SNPH: variants seen among roughly 807,000 people sequenced by gnomAD.
SNPH encodes syntaphilin.
A neutral mutation model predicts 36.8 loss-of-function variants in SNPH; 10 were observed. The observed-to-expected ratio is 0.27, with a 90% CI of 0.17 to 0.46. SNPH has a LOEUF of 0.46. SNPH is among the 20% of genes least tolerant of loss of function. SNPH has a pLI of 1.00. For synonymous variants in SNPH, 281 were observed against 312.2 expected (o/e 0.90, Z 1.05); for missense variants, 622 against 744.0 (o/e 0.84, Z 1.91).
At chr20:1,286,712 A>G (rs1207909262) in intron 2 of SNPH, among the ~76,000 whole-genome samples, 2 of 152,170 alleles carry the variant, frequency 1.3e-5, no homozygotes, top group Admixed American at 6.5e-5. Context: ...GGAGAGCAAG[A>G]GAGAGTGTGT....
intron 2 of SNPH, among the ~76,000 whole-genome samples, chr20:1,290,065 A>C (rs1421501173): frequency 6.6e-6 from 1 of 152,064 alleles, no homozygotes; most frequent in Non-Finnish European, 1.5e-5. Context: ...TACAAAAATT[A>C]GCCAGGTGTG....
At chr20:1,301,596 G>A (rs541224612) in intron 6 of SNPH, among the ~76,000 whole-genome samples, 1 of 151,586 alleles carries the variant, frequency 6.6e-6, no homozygotes, top group Non-Finnish European at 1.5e-5. Flanking sequence ...ATGATTGTTA[G>A]TTTAGTCACA....
rs2088410276 is a variant in SNPH, at chr20:1,294,936, A to C, written c.-492-15A>C. The C allele has an allele frequency of 6.6e-6, 1 of 152,464 alleles. No individual in the cohort carries two copies. The highest frequency in any genetic ancestry group is 6.6e-5 in the Admixed American group (1 of 15,264). The allele number at this position is 152,464 out of a possible 1,614,324, so 9.4% of individuals were successfully genotyped here. A position where few individuals can be genotyped will look rare whatever the true frequency, so the allele number is the denominator to read the frequency against. ...TCATCTGTAAAAGGGGACTAATCACAGCACTTCCTCATAGGGTTGTTGAGA... is the reference window on the plus strand; with the variant it reads ...TCATCTGTAAAAGGGGACTAATCACCGCACTTCCTCATAGGGTTGTTGAGA... On this transcript the variant is annotated splice_polypyrimidine_tract_variant and intron_variant, in intron 2 of 6. Transcript: ENST00000381867. The surrounding 1 kb of genome is among the most constrained non-coding windows in gnomAD (Gnocchi z 4.4).
Position 1,294,721 on chromosome 20 carries a change from C to G in SNPH, c.-492-230C>G, listed in dbSNP as rs555285684. On this transcript the variant is annotated intron_variant, in intron 2 of 6. Coordinates refer to ENST00000381867, the MANE Select transcript of SNPH (RefSeq NM_001318234.2). This position sits in a 1 kb window ranked among gnomAD's most constrained non-coding sequence, Gnocchi z 4.4. The stretch of plus-strand genomic sequence containing the variant: ...CCTTTGTCCACTCAGGAGGCAGCCC[C>G]GCCGCTGGCTGGGATGACCAGGCTC... 6.6e-6 allele frequency among the ~76,000 whole-genome samples: 1 copy of G among 152,192 alleles called. No homozygotes were observed. Among genetic ancestry groups the G allele is most frequent in the Admixed American group, 6.5e-5 (1 of 15,278 alleles).
At chr20:1,290,866 A>G (rs755268547) in intron 2 of SNPH, among the ~76,000 whole-genome samples, 1 of 152,260 alleles carries the variant, frequency 6.6e-6, no homozygotes, top group African/African-American at 2.4e-5. Flanking sequence ...GTTATTGTCC[A>G]TCTTTTTTAT....
In SNPH at chr20:1,305,355, C is replaced by A. The variant is rs189950046; in HGVS notation, c.918C>A (p.Ser306Arg). 4 of 1,612,002 alleles carry A rather than the reference C, an allele frequency of 2.5e-6. No homozygotes were observed. The highest frequency in any genetic ancestry group is 2.7e-5 in the African/African-American group (2 of 74,962). The change falls in exon 7 of 7, where the codon AGC (serine) becomes AGA (arginine). Residue 306 changes from serine to arginine, a missense_variant. Around this residue, in one of 3 missense-constraint regions of SNPH, gnomAD observed 379 missense variants for 427.9 expected, o/e 0.89. Coordinates refer to ENST00000381867, the MANE Select transcript of SNPH (RefSeq NM_001318234.2). ...LSRTDALEAS[S>R]LLSSGVDCGT... is the part of the protein sequence containing the mutation. The stretch of plus-strand genomic sequence containing the variant: ...GGACGGACGCGCTGGAAGCCAGCAG[C>A]CTGCTGTCGTCGGGGGTGGACTGTG...
chr20:1,297,328 G>A, intron 5 of SNPH, 76 bp downstream of exon 5: 1 of 1,438,702 alleles, frequency 7.0e-7, no homozygotes, highest in Non-Finnish European at 9.6e-7. Context: ...AGGTAAGGGA[G>A]CAGGGTCGTG....
intron 2 of SNPH, among the ~76,000 whole-genome samples, chr20:1,279,928 G>A (rs2088196535): frequency 6.6e-6 from 1 of 152,192 alleles, no homozygotes; most frequent in Non-Finnish European, 1.5e-5. Flanking sequence ...GTGGGTGAGA[G>A]ACTGGAGTAG....
rs1309942557 is a variant in SNPH at position 1,298,546 on chromosome 20, G to C, written c.290+1294G>C. On this transcript the variant is annotated intron_variant, in intron 5 of 6. Coordinates refer to ENST00000381867, the MANE Select transcript of SNPH (RefSeq NM_001318234.2). ...GGAGTAAAGCATTAATTTACATTTT[G>C]AAAACTATATAATTGGCAACTTTAA... Among the ~76,000 whole-genome samples the C allele has an allele frequency of 2.0e-5, 3 of 152,222 alleles. No homozygotes were observed. The East Asian group carries it at 5.8e-4, about 29-fold the overall frequency.
intron 6 of SNPH, among the ~76,000 whole-genome samples, chr20:1,303,124 C>T (rs542719811): frequency 1.4e-3 from 219 of 152,360 alleles, no homozygotes; most frequent in Non-Finnish European, 2.8e-3. Flanking sequence ...GTCACTCTCC[C>T]CACACTCTCT....
At chr20:1,300,427 T>C (rs1438671685) in intron 5 of SNPH, 135 bp from the exon 6 acceptor site, 10 of 868,418 alleles carry the variant, frequency 1.2e-5, no homozygotes, top group African/African-American at 3.4e-5. Flanking sequence ...TCTCCTGCCT[T>C]GTGTGGGAGG....
In SNPH at chr20:1,266,874, G is replaced by A. The variant is rs1176707241; in HGVS notation, c.-493+114G>A. The A allele has an allele frequency of 2.4e-6, 3 of 1,250,166 alleles. No individual in the cohort carries two copies. Among genetic ancestry groups the A allele is most frequent in the Middle Eastern group, 3.0e-4 (1 of 3,304 alleles). 77.4% of individuals were successfully genotyped at this position (1,250,166 alleles called of 1,614,324 possible). A position where few individuals can be genotyped will look rare whatever the true frequency, so the allele number is the denominator to read the frequency against. On this transcript the variant is annotated intron_variant, in intron 2 of 6. Transcript: ENST00000381867. The surrounding 1 kb of genome is among the most constrained non-coding windows in gnomAD (Gnocchi z 6.0). ...CCCTTGGAGGGCACCAGCCTAAGAG[G>A]GGTTAATCGTGACTCATTCTTACCC... is the stretch of plus-strand genomic sequence containing the variant.
chr20:1,302,759 C>G (rs918414940), intron 6 of SNPH, among the ~76,000 whole-genome samples: 1 of 152,258 alleles, frequency 6.6e-6, no homozygotes, highest in African/African-American at 2.4e-5. Flanking sequence ...TTGACCACAG[C>G]TCTGCCAAGC....
intron 2 of SNPH, among the ~76,000 whole-genome samples, chr20:1,267,408 A>C (rs2088021446): frequency 6.6e-6 from 1 of 152,136 alleles, no homozygotes; most frequent in Non-Finnish European, 1.5e-5. Context: ...GGCCGGTCAC[A>C]TGCTGCCCGT....
chr20:1,281,284 T>C (rs2088217592), intron 2 of SNPH, among the ~76,000 whole-genome samples: 1 of 152,322 alleles, frequency 6.6e-6, no homozygotes, highest in East Asian at 1.9e-4. Flanking sequence ...CGTTAAAACG[T>C]CGTCATCCCT....
chr20:1,297,315 G>T, intron 5 of SNPH, 63 bp downstream of exon 5: 1 of 1,522,802 alleles, frequency 6.6e-7, no homozygotes, highest in Non-Finnish European at 9.0e-7. Flanking sequence ...CCTGGGGTGG[G>T]AGAGGTAAGG....
At chr20:1,283,487 C>T (rs2088249791) in intron 2 of SNPH, among the ~76,000 whole-genome samples, 1 of 152,220 alleles carries the variant, frequency 6.6e-6, no homozygotes, top group African/African-American at 2.4e-5. Flanking sequence ...AAAGGAGCAA[C>T]TTCTCAGTCT....
chr20:1,304,737 T>G lies in SNPH; in HGVS notation c.441-141T>G, dbSNP rs2088544864. On this transcript the variant is annotated intron_variant, in intron 6 of 6. Coordinates refer to ENST00000381867, the MANE Select transcript of SNPH (RefSeq NM_001318234.2). This position sits in a 1 kb window ranked among gnomAD's most constrained non-coding sequence, Gnocchi z 4.3. ...CCACTATAATAAGAAGGCATTGAGT[T>G]TGTCCTTCTGTTTTGGGTTCTGAGC... 1.4e-6 allele frequency: 1 copy of G among 709,232 alleles called. No homozygotes were observed. Among genetic ancestry groups the G allele is most frequent in the African/African-American group, 1.8e-5 (1 of 56,258 alleles). The allele number at this position is 709,232 out of a possible 1,614,324, so 43.9% of individuals were successfully genotyped here.
chr20:1,295,012 G>T (rs1161209886), intron 3 of SNPH, 34 bp downstream of exon 3: 1 of 152,778 alleles, frequency 6.5e-6, no homozygotes, highest in Non-Finnish European at 1.5e-5. Context: ...GTCTGGTGTG[G>T]CGTGGGGCTC....
Sources: gnomAD v4.1 joint callset for allele counts (sites outside exome capture counted in the v4.1 genomes callset) on GRCh38, gnomAD v4.1.1 for gene constraint, gnomAD v4.1.1 regional missense constraint, Gnocchi (gnomAD v3.1) non-coding constraint, MANE v1.5 for transcripts, NCBI Gene and HGNC (gene_info 2026-07-23, HGNC 2026-07-21) for gene names.